GMPPA: variants seen among roughly 807,000 people sequenced by gnomAD.
The protein encoded by GMPPA is GDP-mannose pyrophosphorylase A, also known as mannose-1-phosphate guanylyltransferase regulatory subunit alpha.
A neutral mutation model predicts 58.6 loss-of-function variants in GMPPA; 46 were observed. The ratio of observed to expected loss-of-function variants is 0.78; its 90% CI spans 0.62 to 1.00. The LOEUF (loss-of-function observed/expected upper bound fraction) is 1.00, where lower values mean the gene tolerates loss of function less well. GMPPA is among the 50% of genes least tolerant of loss of function. The probability of loss-of-function intolerance (pLI) is 0.00; values close to 1 mark genes in which losing one functional copy is unlikely to be tolerated. For missense variants in GMPPA, 468 were observed against 556.4 expected, an observed-to-expected ratio of 0.84 and a Z score of 1.60; for synonymous variants, 211 against 214.9, an observed-to-expected ratio of 0.98 and a Z score of 0.16.
At position 219,500,274 on chromosome 2, in the gene GMPPA, T is replaced by G; in HGVS notation, c.138+56T>G. ...ACTTCCTGCTTATCTTCATGCTGTT[T>G]CCCCCTTTCCCAACCATGAACTCTT... On this transcript the variant is annotated intron_variant, in intron 3 of 12. Coordinates refer to ENST00000313597, the MANE Select transcript of GMPPA (RefSeq NM_013335.4). 4.2e-6 allele frequency: 4 copies of G among 951,286 alleles called. No homozygotes were observed. The South Asian group carries it at 5.6e-5, about 13-fold the overall frequency. The allele number at this position is 951,286 out of a possible 1,614,324, so 58.9% of individuals were successfully genotyped here. A position where few individuals can be genotyped will look rare whatever the true frequency, so the allele number is the denominator to read the frequency against.
At position 219,502,512 on chromosome 2, in the gene GMPPA, G is replaced by A. The variant is rs1359947687; in HGVS notation, c.489+71G>A. On this transcript the variant is annotated intron_variant, in intron 6 of 12. Transcript: ENST00000313597. The surrounding 1 kb of genome is among the most constrained non-coding windows in gnomAD (Gnocchi z 4.0). ...ATCCCCTCTACCTCAGGCCTCTAGA[G>A]AATGCTGGCACAGTATGGGGTGGGC... The A allele has an allele frequency of 3.3e-6, 4 of 1,216,344 alleles. No homozygotes were observed. Among genetic ancestry groups the A allele is most frequent in the Non-Finnish European group, 4.8e-6 (4 of 825,858 alleles). 75.3% of individuals were successfully genotyped at this position (1,216,344 alleles called of 1,614,324 possible).
chr2:219,504,313 C>T (rs1445104002), intron 7 of GMPPA, 100 bp downstream of exon 7: 5 of 1,080,494 alleles, frequency 4.6e-6, no homozygotes, highest in African/African-American at 3.1e-5. Flanking sequence ...GCTCACCTTC[C>T]TCCTCCCCTC....
chr2:219,505,316 T>A lies in GMPPA; in HGVS notation c.709T>A (p.Tyr237Asn). Residue 237 changes from tyrosine (Y) to asparagine (N), a missense_variant, in exon 8 of 13, where the codon TAC (tyrosine) becomes AAC (asparagine). Tyr to Asn is a moderately radical substitution (Grantham distance 143, BLOSUM62 -2). Transcript: ENST00000313597. ...FSALAGQGQI[Y>N]VHLTDGIWSQ... ...AGCCCTGGCAGGGCAGGGCCAGATA[T>A]ACGTGCATCTCACTGATGGTATCTG... is the stretch of plus-strand genomic sequence containing the variant. The A allele has an allele frequency of 1.9e-6, 3 of 1,614,014 alleles. No individual in the cohort carries two copies. Among genetic ancestry groups the A allele is most frequent in the Non-Finnish European group, 2.5e-6 (3 of 1,179,958 alleles).
chr2:219,504,244 A>G (rs779096275), intron 7 of GMPPA, 31 bp downstream of exon 7: 1 of 1,608,528 alleles, frequency 6.2e-7, no homozygotes, highest in Admixed American at 1.7e-5. Flanking sequence ...CTGTGACCCC[A>G]AGTACCCCCA....
Position 219,504,075 on chromosome 2 carries a change from G to A in GMPPA, c.490-8G>A. On this transcript the variant is annotated splice_region_variant and splice_polypyrimidine_tract_variant and intron_variant, in intron 6 of 12. Transcript: ENST00000313597. ...TCTTCTACTGAACCCAGCCTGCTCTGTCCTCAGGTATTGCACTATGTGGAG... is the reference window on the plus strand; with the variant it reads ...TCTTCTACTGAACCCAGCCTGCTCTATCCTCAGGTATTGCACTATGTGGAG... The A allele has an allele frequency of 6.2e-7, 1 of 1,614,076 alleles. No individual in the cohort carries two copies. Among genetic ancestry groups the A allele is most frequent in the Non-Finnish European group, 8.5e-7 (1 of 1,179,958 alleles).
chr2:219,504,643 G>C (rs559856867), intron 7 of GMPPA: 59 of 207,340 alleles, frequency 2.8e-4, no homozygotes, highest in African/African-American at 1.2e-3. Context: ...TTCCCTCCTG[G>C]GGCTAGAAGC....
At position 219,500,380 on chromosome 2, in the gene GMPPA, C is replaced by G. The variant is rs190917787; in HGVS notation, c.138+162C>G. 3 of 622,688 alleles carry G rather than the reference C, an allele frequency of 4.8e-6. No individual in the cohort carries two copies. The Admixed American group carries it at 7.7e-5, about 16-fold the overall frequency. 38.6% of individuals were successfully genotyped at this position (622,688 alleles called of 1,614,324 possible). Reference sequence around the variant, plus strand: ...CCCCTCAAGTTATGCTGTGCAGCTGCCCTGCTGTCTTCCCCTAATCTAGTT... The same window carrying G: ...CCCCTCAAGTTATGCTGTGCAGCTGGCCTGCTGTCTTCCCCTAATCTAGTT... On this transcript the variant is annotated intron_variant, in intron 3 of 12. Coordinates refer to ENST00000313597, the MANE Select transcript of GMPPA (RefSeq NM_013335.4).
chr2:219,505,462 G>T lies in GMPPA; in HGVS notation c.760G>T (p.Ala254Ser). 2 of 1,570,328 alleles carry T rather than the reference G, an allele frequency of 1.3e-6. No individual in the cohort carries two copies. The highest frequency in any genetic ancestry group is 1.7e-6 in the Non-Finnish European group (2 of 1,156,236). ...IWSQIKSAGSALYASRLYLSR... is the reference protein window; with the variant it reads ...IWSQIKSAGSSLYASRLYLSR... The stretch of plus-strand genomic sequence containing the variant: ...TGTCCCCCTTGCGGTCCCCAGTTCA[G>T]CCCTCTACGCCTCCCGCCTCTACCT... The change falls in exon 9 of 13, where the codon GCC (alanine) becomes TCC (serine). Residue 254 changes from alanine (A) to serine (S), a missense_variant. By Grantham distance (99) the Ala-to-Ser change is moderately conservative. Transcript: ENST00000313597.
At position 219,506,254 on chromosome 2, in the gene GMPPA, G is replaced by C; in HGVS notation, c.994G>C (p.Glu332Gln). 2 of 1,605,040 alleles carry C rather than the reference G, an allele frequency of 1.2e-6. No homozygotes were observed. The highest frequency in any genetic ancestry group is 1.7e-4 in the Middle Eastern group (1 of 6,022). The change falls in exon 12 of 13, where the codon GAG (glutamate) becomes CAG (glutamine). Residue 332 changes from glutamate to glutamine, a missense_variant and splice_region_variant. Glu to Gln is a conservative substitution (Grantham distance 29). Coordinates refer to ENST00000313597, the MANE Select transcript of GMPPA (RefSeq NM_013335.4). ...TACCTTTCACTGTCCTCTTTGGCAG[G>C]AGCACACGTGTGTTCTGCATAGCAT... ...SIVLHGATLQ[E>Q]HTCVLHSIVG...
In GMPPA at chr2:219,505,256, G is replaced by C; in HGVS notation, c.649G>C (p.Ala217Pro). The change falls in exon 8 of 13, where the codon GCA becomes CCA. Residue 217 changes from alanine to proline, a missense_variant. Physicochemically the swap from Ala to Pro is conservative, Grantham distance 27 (BLOSUM62 -1). Coordinates refer to ENST00000313597, the MANE Select transcript of GMPPA (RefSeq NM_013335.4). Reference protein sequence around the residue: ...LEDSPGLWPGAGTIRLEQDVF... With the variant: ...LEDSPGLWPGPGTIRLEQDVF... The stretch of plus-strand genomic sequence containing the variant: ...GGACTCACCAGGCTTGTGGCCAGGG[G>C]CAGGTACCATCCGCCTAGAGCAGGA... The C allele has an allele frequency of 6.2e-7, 1 of 1,614,090 alleles. No homozygotes were observed. The highest frequency in any genetic ancestry group is 8.5e-7 in the Non-Finnish European group (1 of 1,179,942).
chr2:219,499,675 G>A (rs1480810220), intron 1 of GMPPA: 2 of 476,930 alleles, frequency 4.2e-6, no homozygotes, highest in African/African-American at 3.9e-5. Flanking sequence ...GATTTGTGAG[G>A]TTCTGTCCAG....
rs927457213 is a variant in GMPPA, at chr2:219,498,958, G to A, written c.-21+20G>A. On this transcript the variant is annotated intron_variant, in intron 1 of 12. Coordinates refer to ENST00000313597, the MANE Select transcript of GMPPA (RefSeq NM_013335.4). ...CTAGTGGTAAAGGGAGCTGGTGGAG[G>A]GGTGGCGGCAGGGGTAAGGGGCAGG... 2 of 152,328 alleles carry A rather than the reference G, an allele frequency of 1.3e-5. No individual in the cohort carries two copies. Among genetic ancestry groups the A allele is most frequent in the Non-Finnish European group, 2.9e-5 (2 of 68,086 alleles). The allele number at this position is 152,328 out of a possible 1,614,324, so 9.4% of individuals were successfully genotyped here. A position where few individuals can be genotyped will look rare whatever the true frequency, so the allele number is the denominator to read the frequency against.
In GMPPA at chr2:219,502,788, G is replaced by T. The variant is rs1694446760; in HGVS notation, c.489+347G>T. On this transcript the variant is annotated intron_variant, in intron 6 of 12. Coordinates refer to ENST00000313597, the MANE Select transcript of GMPPA (RefSeq NM_013335.4). The surrounding 1 kb of genome is among the most constrained non-coding windows in gnomAD (Gnocchi z 4.0). ...TTTGTCTAGATGACAAAGGAGACAG[G>T]AAGGTACTACAGGCAGAGGGAATGG... Among the ~76,000 whole-genome samples the T allele has an allele frequency of 6.6e-6, 1 of 152,144 alleles. No individual in the cohort carries two copies. Among genetic ancestry groups the T allele is most frequent in the Admixed American group, 6.5e-5 (1 of 15,280 alleles).
intron 6 of GMPPA, among the ~76,000 whole-genome samples, chr2:219,503,592 G>A (rs1358862453): frequency 6.6e-6 from 1 of 152,246 alleles, no homozygotes; most frequent in African/African-American, 2.4e-5. Context: ...CTTGGTTACT[G>A]TGAGTCTAAT....
At chr2:219,506,105 C>T (rs193268245) in intron 11 of GMPPA, 33 bp downstream of exon 11, 73 of 1,499,668 alleles carry the variant, frequency 4.9e-5, no homozygotes, top group Non-Finnish European at 6.4e-5. Context: ...GCATGTGACA[C>T]CCCAAGAGGC....
intron 3 of GMPPA, 38 bp downstream of exon 3, chr2:219,500,256 G>A (rs1438731486): frequency 9.1e-7 from 1 of 1,101,216 alleles, no homozygotes; most frequent in African/African-American, 1.6e-5. Flanking sequence ...CTCACTTCCT[G>A]CTTATCTTCA....
chr2:219,500,273 T>A, intron 3 of GMPPA, 55 bp downstream of exon 3: 1 of 946,280 alleles, frequency 1.1e-6, no homozygotes, highest in African/African-American at 1.6e-5. Flanking sequence ...TTCATGCTGT[T>A]TCCCCCTTTC....
At chr2:219,503,409 GC>G (rs1309868440) in intron 6 of GMPPA, among the ~76,000 whole-genome samples, 5 of 152,166 alleles carry the variant, frequency 3.3e-5, no homozygotes, top group Admixed American at 1.3e-4. Flanking sequence ...ATAGGCATGA[GC>G]CACCACCATA....
Position 219,501,942 on chromosome 2 carries a change from GT to G in GMPPA, c.335del (p.Val112GlyfsTer12). 1 of 1,614,168 alleles carries G rather than the reference GT, an allele frequency of 6.2e-7. No individual in the cohort carries two copies. The highest frequency in any genetic ancestry group is 8.5e-7 in the Non-Finnish European group (1 of 1,180,014). ...GGCTGGGAGCCCCGAGGCATTCTTC[GT>G]GCTCAATGCTGATGTCTGCTCCGAC... ...ILAGSPEAFF[V>X]LNADVCSDFP... is the part of the protein sequence containing the mutation. On this transcript the variant is annotated frameshift_variant, in exon 5 of 13. Transcript: ENST00000313597. LOFTEE classifies it high-confidence loss of function.
Sources: gnomAD v4.1 joint callset for allele counts (sites outside exome capture counted in the v4.1 genomes callset) on GRCh38, gnomAD v4.1.1 for gene constraint, Gnocchi (gnomAD v3.1) non-coding constraint, MANE v1.5 for transcripts, NCBI Gene and HGNC (gene_info 2026-07-23, HGNC 2026-07-21) for gene names.